Variants in ZMIZ2 observed in about 807,000 individuals in gnomAD.
ZMIZ2 encodes zinc finger MIZ domain-containing protein 2.
In ZMIZ2, 26 loss-of-function variants were observed where a neutral mutation model predicts 93.9. The ratio of observed to expected loss-of-function variants is 0.28; its 90% CI spans 0.20 to 0.38. ZMIZ2 has a LOEUF of 0.38. Among genes scored for constraint, ZMIZ2 ranks in the 10% least tolerant of loss-of-function variants. The pLI, the probability that ZMIZ2 is intolerant of heterozygous loss-of-function variation, is 1.00. For synonymous variants in ZMIZ2, 485 were observed against 516.4 expected, an observed-to-expected ratio of 0.94 and a Z score of 0.82; for missense variants, 1,023 against 1,235.0, an observed-to-expected ratio of 0.83 and a Z score of 2.57.
In ZMIZ2 at chr7:44,759,542, C is replaced by T. The variant is rs1006427473; in HGVS notation, c.993+82C>T. 14 of 1,260,940 alleles carry T rather than the reference C, an allele frequency of 1.1e-5. No homozygotes were observed. In the South Asian group the frequency reaches 1.9e-4, roughly 17 times the overall value. 78.1% of individuals were successfully genotyped at this position (1,260,940 alleles called of 1,614,324 possible). ...GGGGACCTTGGGGCAGTCCTGTCCT[C>T]GAGAGCGACAGGGTGGCTAAAGGGG... On this transcript the variant is annotated intron_variant, in intron 7 of 18. Coordinates refer to ENST00000309315, the MANE Select transcript of ZMIZ2 (RefSeq NM_031449.4).
In ZMIZ2 at chr7:44,761,982, G is replaced by T; in HGVS notation, c.1596+77G>T. ...TGGGGCCTGGCCCAGCGGTGCCGTGGGGTGGGGCGGGGTGTGGGCGGGGCC... is the reference window on the plus strand; with the variant it reads ...TGGGGCCTGGCCCAGCGGTGCCGTGTGGTGGGGCGGGGTGTGGGCGGGGCC... On this transcript the variant is annotated intron_variant, in intron 11 of 18. Coordinates refer to ENST00000309315, the MANE Select transcript of ZMIZ2 (RefSeq NM_031449.4). The surrounding 1 kb of genome is among the most constrained non-coding windows in gnomAD (Gnocchi z 5.8). The T allele has an allele frequency of 7.1e-7, 1 of 1,402,666 alleles. No individual in the cohort carries two copies. 86.9% of individuals were successfully genotyped at this position (1,402,666 alleles called of 1,614,324 possible).
chr7:44,754,322 C>T (rs1352675461), intron 1 of ZMIZ2, among the ~76,000 whole-genome samples: 2 of 152,192 alleles, frequency 1.3e-5, no homozygotes, highest in Non-Finnish European at 2.9e-5. Context: ...TTTCTTCACC[C>T]CTGCTTCCTG....
intron 1 of ZMIZ2, 102 bp from the exon 2 acceptor site, chr7:44,756,086 T>C (rs569311793): frequency 4.2e-5 from 37 of 883,260 alleles, no homozygotes; most frequent in South Asian, 2.7e-4. Flanking sequence ...GGGTCCCTTA[T>C]TGAGAAAGAG....
rs899001907 is a variant in ZMIZ2 at position 44,762,803 on chromosome 7, C to A, written c.1597-78C>A. 2.3e-5 allele frequency: 29 copies of A among 1,243,000 alleles called. 2 individuals carry two copies. The highest frequency in any genetic ancestry group is 7.6e-5 in the African/African-American group (5 of 66,054). 77.0% of individuals were successfully genotyped at this position (1,243,000 alleles called of 1,614,324 possible). A position where few individuals can be genotyped will look rare whatever the true frequency, so the allele number is the denominator to read the frequency against. ...CCACCTGGCAGCCCCTGACACACAA[C>A]CCCCAGCACACCCTTTACCTGGCCA... On this transcript the variant is annotated intron_variant, in intron 11 of 18. Coordinates refer to ENST00000309315, the MANE Select transcript of ZMIZ2 (RefSeq NM_031449.4).
chr7:44,756,449 T>C lies in ZMIZ2; in HGVS notation c.75T>C (p.Ser25=). The change falls in exon 3 of 19, where the codon TCT becomes TCC. Residue 25 remains serine, a synonymous_variant. Coordinates refer to ENST00000309315, the MANE Select transcript of ZMIZ2 (RefSeq NM_031449.4). The part of the protein sequence containing the change: ...PHGDGSFAYE[S]VPWQQSATQP... Reference sequence around the variant, plus strand: ...GTGATGGTTCATTCGCATATGAGTCTGTGCCTTGGCAACAAAGCGCCACTC... The same window carrying C: ...GTGATGGTTCATTCGCATATGAGTCCGTGCCTTGGCAACAAAGCGCCACTC... 3 of 1,614,096 alleles carry C rather than the reference T, an allele frequency of 1.9e-6. No individual in the cohort carries two copies. Among genetic ancestry groups the C allele is most frequent in the Non-Finnish European group, 2.5e-6 (3 of 1,180,016 alleles).
intron 7 of ZMIZ2, 91 bp downstream of exon 7, chr7:44,759,551 CAG>C: frequency 8.1e-7 from 1 of 1,232,520 alleles, no homozygotes; most frequent in Admixed American, 3.9e-5. Context: ...TCGAGAGCGA[CAG>C]GGTGGCTAAA....
At position 44,757,085 on chromosome 7, in the gene ZMIZ2, G is replaced by A. The variant is rs1242924509; in HGVS notation, c.304G>A (p.Gly102Ser). ...QAFAEGGANK[G>S]YVQQGVYSRG... ...GTTTGCTGAAGGCGGCGCCAACAAG[G>A]GCTACGTGCAGCAAGGCGTGTACAG... The change falls in exon 4 of 19, where the codon GGC (glycine) becomes AGC (serine). Residue 102 changes from glycine (G) to serine (S), a missense_variant. Around this residue, in one of 3 missense-constraint regions of ZMIZ2, gnomAD observed 656 missense variants for 777.1 expected, o/e 0.84. Coordinates refer to ENST00000309315, the MANE Select transcript of ZMIZ2 (RefSeq NM_031449.4). 2 of 1,607,228 alleles carry A rather than the reference G, an allele frequency of 1.2e-6. No individual in the cohort carries two copies. The highest frequency in any genetic ancestry group is 1.3e-5 in the African/African-American group (1 of 74,676).
chr7:44,762,065 C>T (rs1791248958), intron 11 of ZMIZ2, 160 bp downstream of exon 11: 13 of 975,868 alleles, frequency 1.3e-5, no homozygotes, highest in Non-Finnish European at 1.8e-5. Flanking sequence ...CCTGCAGCAC[C>T]ATCAGATCAT....
In ZMIZ2 at chr7:44,768,078, CT is replaced by C; in HGVS notation, c.*458del. On this transcript the variant is annotated 3_prime_UTR_variant, in exon 19 of 19. Coordinates refer to ENST00000309315, the MANE Select transcript of ZMIZ2 (RefSeq NM_031449.4). Reference sequence around the variant, plus strand: ...GCAGGGCTGGCTCTGTCCCCTGGGCCTTTGGCTCCAGTGGCCCCTGTGCCCA... The same window carrying C: ...GCAGGGCTGGCTCTGTCCCCTGGGCCTTGGCTCCAGTGGCCCCTGTGCCCA... 1 of 178,360 alleles carries C rather than the reference CT, an allele frequency of 5.6e-6. No individual in the cohort carries two copies. The highest frequency in any genetic ancestry group is 1.2e-5 in the Non-Finnish European group (1 of 84,698). 11.0% of individuals were successfully genotyped at this position (178,360 alleles called of 1,614,324 possible).
chr7:44,756,578 GCCTC>G (rs746553504), intron 3 of ZMIZ2, 39 bp downstream of exon 3: 1 of 1,604,506 alleles, frequency 6.2e-7, no homozygotes, highest in South Asian at 1.1e-5. Flanking sequence ...AGCAGACAGA[GCCTC>G]CCAGCACTTG....
chr7:44,757,708 G>A, intron 5 of ZMIZ2, 140 bp from the exon 6 acceptor site: 1 of 1,444,264 alleles, frequency 6.9e-7, no homozygotes, highest in Non-Finnish European at 9.2e-7. Context: ...GGGAAGGAGT[G>A]AGGGTCTGAG....
At chr7:44,757,684 A>G in intron 5 of ZMIZ2, 123 bp downstream of exon 5, 1 of 1,453,514 alleles carries the variant, frequency 6.9e-7, no homozygotes, top group Admixed American at 2.6e-5. Context: ...GAAGCCAGTA[A>G]AAGAGAGATG....
Position 44,756,523 on chromosome 7 carries a change from A to G in ZMIZ2, c.149A>G (p.Asn50Ser), listed in dbSNP as rs764422172. 5.0e-6 allele frequency: 8 copies of G among 1,613,840 alleles called. No homozygotes were observed. The highest frequency in any genetic ancestry group is 2.2e-5 in the South Asian group (2 of 91,086). Residue 50 changes from asparagine to serine, a missense_variant, in exon 3 of 19, where the codon AAC (asparagine) becomes AGC (serine). Around this residue, in one of 3 missense-constraint regions of ZMIZ2, gnomAD observed 656 missense variants for 777.1 expected, o/e 0.84. Coordinates refer to ENST00000309315, the MANE Select transcript of ZMIZ2 (RefSeq NM_031449.4). ...GTCACTACTGTGTGGGGAGTTGGCA[A>G]CGCGACACAGAGCCAGGTAAGCACC... is the stretch of plus-strand genomic sequence containing the variant. ...SVVTTVWGVG[N>S]ATQSQVLGNP... is the part of the protein sequence containing the mutation.
rs56077345 is a variant in ZMIZ2 at position 44,769,051 on chromosome 7, G to C, written c.*1428G>C. On this transcript the variant is annotated 3_prime_UTR_variant, in exon 19 of 19. Coordinates refer to ENST00000309315, the MANE Select transcript of ZMIZ2 (RefSeq NM_031449.4). Reference sequence around the variant, plus strand: ...TTTGGCAGCCCCAGCCCAGCCAGGGGCTCATCCTTCTCAGCTCTTGTCCCT... The same window carrying C: ...TTTGGCAGCCCCAGCCCAGCCAGGGCCTCATCCTTCTCAGCTCTTGTCCCT... 0.048 allele frequency: 7,404 copies of C among 152,850 alleles called. 238 individuals are homozygous for C. The highest frequency in any genetic ancestry group is 0.077 in the Admixed American group (1,174 of 15,298). The allele number at this position is 152,850 out of a possible 1,614,324, so 9.5% of individuals were successfully genotyped here.
chr7:44,757,362 C>T lies in ZMIZ2; in HGVS notation c.369-16C>T. ...GAGCCCACGCAGAGAGCGTGGCAAT[C>T]CTGTGTCTCCTGCAGGTATGCAGGC... is the stretch of plus-strand genomic sequence containing the variant. On this transcript the variant is annotated splice_polypyrimidine_tract_variant and intron_variant, in intron 4 of 18. Transcript: ENST00000309315. 6.3e-7 allele frequency: 1 copy of T among 1,595,612 alleles called. No individual in the cohort carries two copies. The highest frequency in any genetic ancestry group is 8.5e-7 in the Non-Finnish European group (1 of 1,176,818).
At chr7:44,751,840 G>A (rs184294878) in intron 1 of ZMIZ2, among the ~76,000 whole-genome samples, 7 of 152,168 alleles carry the variant, frequency 4.6e-5, no homozygotes, top group Admixed American at 4.6e-4. Flanking sequence ...GTGTACACCT[G>A]TAGTCCAGTT....
At position 44,760,556 on chromosome 7, in the gene ZMIZ2, C is replaced by T; in HGVS notation, c.1203C>T (p.Leu401=). The change falls in exon 9 of 19, where the codon CTC becomes CTT. Residue 401 remains leucine, a synonymous_variant. Transcript: ENST00000309315. ...TCAAGTCTCCCTTCTTGCCTGATCT[C>T]AAGCCCAACCTCAACTCCTTGCACT... ...QEVKSPFLPD[L]KPNLNSLHSS... 1 of 1,614,120 alleles carries T rather than the reference C, an allele frequency of 6.2e-7. No individual in the cohort carries two copies. Among genetic ancestry groups the T allele is most frequent in the Non-Finnish European group, 8.5e-7 (1 of 1,180,024 alleles).
chr7:44,752,578 G>A (rs1790246867), intron 1 of ZMIZ2, among the ~76,000 whole-genome samples: 1 of 152,076 alleles, frequency 6.6e-6, no homozygotes, highest in African/African-American at 2.4e-5. Context: ...CCTAATTTTG[G>A]TGTGTCAAGA....
Position 44,765,099 on chromosome 7 carries a change from C to T in ZMIZ2, c.1997+90C>T. ...GGGGGATGTCCCTTGCCAAGTGCAG[C>T]CTTCCAGCCTTTTTCCGGCATGGAG... is the stretch of plus-strand genomic sequence containing the variant. On this transcript the variant is annotated intron_variant, in intron 15 of 18. Coordinates refer to ENST00000309315, the MANE Select transcript of ZMIZ2 (RefSeq NM_031449.4). This position sits in a 1 kb window ranked among gnomAD's most constrained non-coding sequence, Gnocchi z 4.1. 6.5e-7 allele frequency: 1 copy of T among 1,549,474 alleles called. No homozygotes were observed. Among genetic ancestry groups the T allele is most frequent in the Non-Finnish European group, 8.9e-7 (1 of 1,129,354 alleles).
Sources: allele counts gnomAD v4.1 joint callset (sites outside exome capture counted in the v4.1 genomes callset), GRCh38; gene constraint gnomAD v4.1.1; regional missense constraint gnomAD v4.1.1; non-coding constraint Gnocchi (gnomAD v3.1); transcripts MANE v1.5; gene names NCBI Gene and HGNC (gene_info 2026-07-23, HGNC 2026-07-21).